The following TMEM108 variants were observed in gnomAD, a reference collection of about 807,000 sequenced individuals.
TMEM108 encodes transmembrane protein 108, also known as cancer/testis antigen 124.
Under a neutral mutation model 35.1 loss-of-function variants are expected in TMEM108, and 12 were observed. That is an observed-to-expected ratio of 0.34 (90% confidence interval 0.22 to 0.55). The LOEUF (loss-of-function observed/expected upper bound fraction) is 0.55, where lower values mean the gene tolerates loss of function less well. TMEM108 is among the 20% of genes least tolerant of loss of function. TMEM108 has a pLI of 0.89. For missense variants in TMEM108, 680 were observed against 753.3 expected, an observed-to-expected ratio of 0.90 and a Z score of 1.14; for synonymous variants, 287 against 308.6, an observed-to-expected ratio of 0.93 and a Z score of 0.73.
intron 2 of TMEM108, among the ~76,000 whole-genome samples, chr3:133,091,640 C>A (rs1454855285): frequency 6.6e-6 from 1 of 152,186 alleles, no homozygotes; most frequent in East Asian, 1.9e-4. Context: ...TCTACTTATT[C>A]ACCAGCTACT....
At chr3:133,281,979 A>C (rs1946920110) in intron 3 of TMEM108, among the ~76,000 whole-genome samples, 2 of 152,080 alleles carry the variant, frequency 1.3e-5, no homozygotes, top group Admixed American at 1.3e-4. Context: ...AACACGGTGA[A>C]ACTCCGTCTC....
At chr3:133,133,508 A>G (rs1294451606) in intron 2 of TMEM108, among the ~76,000 whole-genome samples, 1 of 151,468 alleles carries the variant, frequency 6.6e-6, no homozygotes, top group African/African-American at 2.4e-5. Flanking sequence ...TTATTGTGAT[A>G]TTCACTTTAT....
intron 3 of TMEM108, among the ~76,000 whole-genome samples, chr3:133,249,053 C>G (rs566331509): frequency 6.6e-6 from 1 of 152,236 alleles, no homozygotes; most frequent in Non-Finnish European, 1.5e-5. Context: ...ATTCCAGGTA[C>G]CAGCTGGGCC....
chr3:133,039,369 G>T (rs1943246392), intron 1 of TMEM108, among the ~76,000 whole-genome samples: 1 of 152,142 alleles, frequency 6.6e-6, no homozygotes, highest in Admixed American at 6.5e-5. Flanking sequence ...GAGAGGGAAG[G>T]CAGGGTCTAA....
intron 3 of TMEM108, chr3:133,247,786 A>C (rs1946408669): frequency 6.6e-6 from 1 of 152,172 alleles, no homozygotes; most frequent in African/African-American, 2.4e-5. Flanking sequence ...AGCACTGGGA[A>C]TGAAAAGACA....
At position 133,394,597 on chromosome 3, in the gene TMEM108, A is replaced by G. The variant is rs571909604; in HGVS notation, c.1606-1267A>G. Among the ~76,000 whole-genome samples the G allele has an allele frequency of 2.9e-4, 44 of 152,344 alleles. No homozygotes were observed. The South Asian group carries it at 8.9e-3, about 31-fold the overall frequency. On this transcript the variant is annotated intron_variant, in intron 5 of 5. Coordinates refer to ENST00000321871, the MANE Select transcript of TMEM108 (RefSeq NM_023943.4). ...CTTGCTTTGTGAAAGCTATAAAATGACAAGCCAAGCTCAGCCTCCACAGTT... is the reference window on the plus strand; with the variant it reads ...CTTGCTTTGTGAAAGCTATAAAATGGCAAGCCAAGCTCAGCCTCCACAGTT...
At chr3:133,251,394 A>C (rs1946468061) in intron 3 of TMEM108, among the ~76,000 whole-genome samples, 1 of 152,198 alleles carries the variant, frequency 6.6e-6, no homozygotes. Context: ...AGGTCTCTAA[A>C]GAGTTTCATA....
intron 2 of TMEM108, among the ~76,000 whole-genome samples, chr3:133,050,321 TA>T (rs753201964): frequency 9.2e-5 from 14 of 152,092 alleles, no homozygotes; most frequent in Non-Finnish European, 1.8e-4. Context: ...TTTCTCTCTT[TA>T]AAAATAGTTT....
chr3:133,260,067 A>C (rs1333049679), intron 3 of TMEM108, among the ~76,000 whole-genome samples: 1 of 152,186 alleles, frequency 6.6e-6, no homozygotes, highest in East Asian at 1.9e-4. Context: ...GTTCATCTGC[A>C]CCTTGAGCCA....
intron 3 of TMEM108, among the ~76,000 whole-genome samples, chr3:133,308,925 C>A (rs2071084380): frequency 6.6e-6 from 1 of 152,158 alleles, no homozygotes; most frequent in South Asian, 2.1e-4. Context: ...GGAATAGTTT[C>A]AGAAGGAATG....
chr3:133,265,882 C>CT (rs1334886067), intron 3 of TMEM108, among the ~76,000 whole-genome samples: 1 of 152,090 alleles, frequency 6.6e-6, no homozygotes, highest in Non-Finnish European at 1.5e-5. Context: ...CATTCCTATA[C>CT]TTTTTTGTTT....
intron 4 of TMEM108, chr3:133,386,529 A>G: frequency 6.5e-7 from 1 of 1,532,152 alleles, no homozygotes; most frequent in Non-Finnish European, 8.7e-7. Context: ...CACATCTGAC[A>G]AGCCATGGAT....
intron 1 of TMEM108, among the ~76,000 whole-genome samples, chr3:133,043,977 G>A (rs1943305665): frequency 6.6e-6 from 1 of 152,060 alleles, no homozygotes; most frequent in Admixed American, 6.5e-5. Context: ...TTTGAATTTT[G>A]AAGAACATTT....
At chr3:133,325,321 T>C (rs73207710) in intron 3 of TMEM108, among the ~76,000 whole-genome samples, 6,672 of 152,150 alleles carry the variant, frequency 0.044, 189 homozygotes, top group Non-Finnish European at 0.064. Flanking sequence ...ATTTTGGGGA[T>C]TCAAGAAAAA....
intron 2 of TMEM108, among the ~76,000 whole-genome samples, chr3:133,137,140 T>G (rs1339312007): frequency 6.6e-6 from 1 of 152,094 alleles, no homozygotes; most frequent in Non-Finnish European, 1.5e-5. Flanking sequence ...AGGCAGAAAG[T>G]GAGAAGTGGT....
At chr3:133,208,168 G>A (rs1391541431) in intron 2 of TMEM108, among the ~76,000 whole-genome samples, 2 of 152,098 alleles carry the variant, frequency 1.3e-5, no homozygotes, top group African/African-American at 4.8e-5. Context: ...ACAGATTACT[G>A]GGCCCCACCC....
At chr3:133,384,959 G>A (rs2073109784) in intron 4 of TMEM108, among the ~76,000 whole-genome samples, 1 of 152,190 alleles carries the variant, frequency 6.6e-6, no homozygotes. Flanking sequence ...TCTGACACTA[G>A]ACACTTGAGG....
At chr3:133,230,176 A>G (rs956062650) in intron 3 of TMEM108, among the ~76,000 whole-genome samples, 4 of 152,224 alleles carry the variant, frequency 2.6e-5, no homozygotes, top group South Asian at 2.1e-4. Flanking sequence ...TATCTTTCCT[A>G]GGCTGAGTGG....
At chr3:133,373,470 G>A (rs1055425538) in intron 3 of TMEM108, among the ~76,000 whole-genome samples, 5 of 152,034 alleles carry the variant, frequency 3.3e-5, no homozygotes, top group African/African-American at 1.2e-4. Context: ...ACCTTAATGG[G>A]ATTGGCAGGC....
Sources: allele counts gnomAD v4.1 joint callset (sites outside exome capture counted in the v4.1 genomes callset), GRCh38; gene constraint gnomAD v4.1.1; transcripts MANE v1.5; gene names NCBI Gene and HGNC (gene_info 2026-07-23, HGNC 2026-07-21).